The following CDKAL1 variants were observed in gnomAD, a reference collection of about 807,000 sequenced individuals.
CDKAL1 encodes threonylcarbamoyladenosine tRNA methylthiotransferase.
A neutral mutation model predicts 68.2 loss-of-function variants in CDKAL1; 32 were observed. That is an observed-to-expected ratio of 0.47 (90% CI 0.35 to 0.63). The LOEUF (loss-of-function observed/expected upper bound fraction) is 0.63, where lower values mean the gene tolerates loss of function less well. Among genes scored for constraint, CDKAL1 ranks in the 30% least tolerant of loss-of-function variants. CDKAL1 has a pLI of 0.00. For missense variants in CDKAL1, 606 were observed against 696.7 expected (o/e 0.87, Z 1.47); for synonymous variants, 234 against 244.3 (o/e 0.96, Z 0.39).
rs534421072 is a variant in CDKAL1 at position 20,565,378 on chromosome 6, A to T, written c.286+16673A>T. Among the ~76,000 whole-genome samples the T allele has an allele frequency of 3.3e-5, 5 of 152,180 alleles. No individual in the cohort carries two copies. The South Asian group carries it at 1.0e-3, about 32-fold the overall frequency. Reference sequence around the variant, plus strand: ...CAGTTTTTATTTCTCTCTGAAAATCACTTTTTAGGGTACCATGCCTTGGAA... The same window carrying T: ...CAGTTTTTATTTCTCTCTGAAAATCTCTTTTTAGGGTACCATGCCTTGGAA... On this transcript the variant is annotated intron_variant, in intron 4 of 15. Transcript: ENST00000274695.
intron 12 of CDKAL1, among the ~76,000 whole-genome samples, chr6:21,106,849 G>GT (rs1193746441): frequency 6.6e-6 from 1 of 151,134 alleles, no homozygotes; most frequent in Non-Finnish European, 1.5e-5. Context: ...CAATGTTTGT[G>GT]TTTGTGTGTG....
chr6:20,902,168 C>T (rs953228924), intron 9 of CDKAL1, among the ~76,000 whole-genome samples: 5 of 152,108 alleles, frequency 3.3e-5, no homozygotes, highest in Non-Finnish European at 4.4e-5. Context: ...ACCTTTATTT[C>T]AAGGTTTTAG....
At chr6:20,551,171 G>T (rs1763808237) in intron 4 of CDKAL1, among the ~76,000 whole-genome samples, 1 of 151,728 alleles carries the variant, frequency 6.6e-6, no homozygotes, top group African/African-American at 2.4e-5. Context: ...GGCCTGAGAG[G>T]TTGCGTCTTA....
intron 10 of CDKAL1, among the ~76,000 whole-genome samples, chr6:20,957,829 G>A (rs79959163): frequency 0.095 from 14,463 of 152,010 alleles, 1,207 homozygotes; most frequent in African/African-American, 0.23. Context: ...AAATTAGCTG[G>A]GTGGAGTGAT....
chr6:20,596,948 C>T (rs746081685), intron 4 of CDKAL1, among the ~76,000 whole-genome samples: 25 of 152,228 alleles, frequency 1.6e-4, no homozygotes, highest in African/African-American at 4.3e-4. Flanking sequence ...CGCCCTGCTT[C>T]GGCTTGCCCC....
At chr6:21,195,317 C>T (rs1778417939) in intron 13 of CDKAL1, among the ~76,000 whole-genome samples, 1 of 152,098 alleles carries the variant, frequency 6.6e-6, no homozygotes, top group Non-Finnish European at 1.5e-5. Context: ...CACATGTCAC[C>T]ATGCCTGGCT....
intron 10 of CDKAL1, among the ~76,000 whole-genome samples, chr6:20,979,761 T>G (rs908166664): frequency 7.0e-6 from 1 of 142,040 alleles, no homozygotes; most frequent in Non-Finnish European, 1.5e-5. Context: ...ATTAAAATTT[T>G]TTCATAGTAT....
intron 4 of CDKAL1, among the ~76,000 whole-genome samples, chr6:20,605,662 G>A (rs1659482026): frequency 6.6e-6 from 1 of 152,146 alleles, no homozygotes; most frequent in Non-Finnish European, 1.5e-5. Context: ...CAGCATGACT[G>A]GAGCCATGCT....
intron 11 of CDKAL1, among the ~76,000 whole-genome samples, chr6:21,039,345 G>A (rs761181509): frequency 7.9e-5 from 12 of 152,222 alleles, no homozygotes; most frequent in Non-Finnish European, 1.6e-4. Context: ...ACCGATTCCT[G>A]GTGCTAAAAA....
At chr6:20,909,351 G>T (rs1441966540) in intron 9 of CDKAL1, among the ~76,000 whole-genome samples, 1 of 151,974 alleles carries the variant, frequency 6.6e-6, no homozygotes, top group East Asian at 1.9e-4. Context: ...ACCAAAAATG[G>T]GTCAGACCGT....
intron 11 of CDKAL1, among the ~76,000 whole-genome samples, chr6:21,020,609 G>A (rs1448103839): frequency 6.6e-6 from 1 of 151,502 alleles, no homozygotes. Context: ...CTGGGATTAC[G>A]GGCATGCACC....
intron 9 of CDKAL1, 59 bp from the exon 10 acceptor site, chr6:20,955,360 T>C (rs951701581): frequency 6.6e-7 from 1 of 1,522,330 alleles, no homozygotes; most frequent in Non-Finnish European, 9.1e-7. Context: ...AGTGAGCAGC[T>C]GTATGATGAA....
chr6:20,713,798 A>G (rs567420945), intron 5 of CDKAL1, among the ~76,000 whole-genome samples: 36 of 152,312 alleles, frequency 2.4e-4, no homozygotes, highest in Non-Finnish European at 4.3e-4. Context: ...AGAGCTTTCT[A>G]AATACCTTAT....
At chr6:21,079,075 G>A (rs966350913) in intron 12 of CDKAL1, among the ~76,000 whole-genome samples, 8 of 152,160 alleles carry the variant, frequency 5.3e-5, no homozygotes, top group Non-Finnish European at 4.4e-5. Flanking sequence ...CAGGGGCGGC[G>A]TGGGACAGAA....
intron 10 of CDKAL1, among the ~76,000 whole-genome samples, chr6:20,969,569 G>T (rs1765490976): frequency 6.6e-6 from 1 of 152,160 alleles, no homozygotes; most frequent in Admixed American, 6.5e-5. Flanking sequence ...TGTATTCTTT[G>T]TCATGTGTGA....
chr6:21,123,454 TCAAAA>T (rs1035298196), intron 13 of CDKAL1, among the ~76,000 whole-genome samples: 7 of 152,054 alleles, frequency 4.6e-5, no homozygotes, highest in Non-Finnish European at 1.0e-4. Context: ...AAACTCCATC[TCAAAA>T]CAAAACAAAA....
rs70993208 is a variant in CDKAL1, at chr6:21,160,636, G to GACACAC, written c.1300-37370_1300-37365dup. Among the ~76,000 whole-genome samples, 403 of 123,316 alleles carry GACACAC rather than the reference G, an allele frequency of 3.3e-3. 2 individuals are homozygous for GACACAC. The highest frequency in any genetic ancestry group is 0.01 in the African/African-American group (338 of 33,282). The allele number at this position is 123,316 out of a possible 152,430, so 80.9% of individuals were successfully genotyped here. On this transcript the variant is annotated intron_variant, in intron 13 of 15. Coordinates refer to ENST00000274695, the MANE Select transcript of CDKAL1 (RefSeq NM_017774.3). ...TTATTCACTGTAATTTTTGGACACA[G>GACACAC]ACACACACACACACACACACGTGTG...
At chr6:20,855,856 T>G (rs1293154130) in intron 9 of CDKAL1, among the ~76,000 whole-genome samples, 1 of 152,206 alleles carries the variant, frequency 6.6e-6, no homozygotes, top group African/African-American at 2.4e-5. Flanking sequence ...GAAAGCGATA[T>G]GTGGAGACCA....
chr6:21,008,658 C>CT (rs950558620), intron 11 of CDKAL1, among the ~76,000 whole-genome samples: 4 of 152,232 alleles, frequency 2.6e-5, no homozygotes, highest in Admixed American at 2.6e-4. Context: ...CTTCATGGTC[C>CT]TTTTTTGACT....
Sources: gnomAD v4.1 joint callset for allele counts (sites outside exome capture counted in the v4.1 genomes callset) on GRCh38, gnomAD v4.1.1 for gene constraint, MANE v1.5 for transcripts, NCBI Gene and HGNC (gene_info 2026-07-23, HGNC 2026-07-21) for gene names.